The following JARID2 variants were observed in gnomAD, a reference collection of about 807,000 sequenced individuals.
JARID2 encodes jumonji and AT-rich interaction domain containing 2, also known as protein Jumonji.
A neutral mutation model predicts 125.6 loss-of-function variants in JARID2; 21 were observed. The ratio of observed to expected loss-of-function variants is 0.17; its 90% CI spans 0.12 to 0.24. The LOEUF (loss-of-function observed/expected upper bound fraction) is 0.24. JARID2 is among the 10% of genes least tolerant of loss of function. JARID2 has a pLI of 1.00. For synonymous variants in JARID2, 736 were observed against 661.6 expected (o/e 1.11, Z -1.73); for missense variants, 1,303 against 1,639.6 (o/e 0.79, Z 3.55).
intron 16 of JARID2, among the ~76,000 whole-genome samples, chr6:15,515,830 C>T (rs1267190153): frequency 6.6e-6 from 1 of 151,400 alleles, no homozygotes; most frequent in Admixed American, 6.6e-5. Context: ...CTGAGGCGGG[C>T]CAATCACAGC....
intron 3 of JARID2, among the ~76,000 whole-genome samples, chr6:15,429,385 C>A (rs184302340): frequency 3.9e-5 from 6 of 152,118 alleles, no homozygotes; most frequent in Admixed American, 2.6e-4. Flanking sequence ...CTCGCCTCAG[C>A]CTCCTGAGTA....
intron 1 of JARID2, 119 bp downstream of exon 1, chr6:15,246,703 T>G: frequency 2.2e-6 from 2 of 901,592 alleles, no homozygotes; most frequent in Non-Finnish European, 3.5e-6. Flanking sequence ...ATAAGGCTGT[T>G]TCTTTTTTTT....
intron 5 of JARID2, among the ~76,000 whole-genome samples, chr6:15,469,805 A>G (rs891367244): frequency 2.0e-5 from 3 of 152,120 alleles, no homozygotes; most frequent in Admixed American, 6.5e-5. Flanking sequence ...AATAGGTATA[A>G]AAAGGAGTGA....
chr6:15,516,343 A>G (rs1468628688), intron 16 of JARID2, among the ~76,000 whole-genome samples: 1 of 152,234 alleles, frequency 6.6e-6, no homozygotes, highest in Non-Finnish European at 1.5e-5. Flanking sequence ...TAGGACTTGG[A>G]GTCAGCGTGA....
chr6:15,291,315 GT>G (rs1761204708), intron 1 of JARID2, among the ~76,000 whole-genome samples: 1 of 152,176 alleles, frequency 6.6e-6, no homozygotes, highest in Admixed American at 6.5e-5. Context: ...TCTCCTCTTA[GT>G]TTAAAAATGC....
chr6:15,473,203 A>G (rs1353069951), intron 5 of JARID2, among the ~76,000 whole-genome samples: 3 of 152,234 alleles, frequency 2.0e-5, no homozygotes, highest in Non-Finnish European at 4.4e-5. Flanking sequence ...TTAACCATTT[A>G]TGGAGTTACC....
At chr6:15,312,619 C>T (rs552084880) in intron 1 of JARID2, among the ~76,000 whole-genome samples, 4 of 152,262 alleles carry the variant, frequency 2.6e-5, no homozygotes, top group South Asian at 2.1e-4. Context: ...TGTCTACATC[C>T]CTTCACTTTG....
At chr6:15,512,055 T>C (rs1771305160) in intron 13 of JARID2, among the ~76,000 whole-genome samples, 153 bp from the exon 14 acceptor site, 1 of 152,238 alleles carries the variant, frequency 6.6e-6, no homozygotes, top group East Asian at 1.9e-4. Flanking sequence ...TAGAAGCTCC[T>C]TCTTGTGTTA....
At chr6:15,467,867 C>A (rs62395420) in intron 4 of JARID2, among the ~76,000 whole-genome samples, 9,904 of 152,060 alleles carry the variant, frequency 0.065, 420 homozygotes, top group East Asian at 0.094. Context: ...GGAATGAGAA[C>A]CTTTGAGGAT....
chr6:15,496,496 G>C lies in JARID2; in HGVS notation c.1271G>C (p.Gly424Ala). 1.2e-6 allele frequency: 2 copies of C among 1,609,162 alleles called. No homozygotes were observed. Among genetic ancestry groups the C allele is most frequent in the East Asian group, 2.2e-5 (1 of 44,838 alleles). Residue 424 changes from glycine to alanine, a missense_variant, in exon 7 of 18, where the codon GGG becomes GCG. By Grantham distance (60) the Gly-to-Ala change is moderately conservative. Around this residue, in one of 11 missense-constraint regions of JARID2, gnomAD observed 651 missense variants for 581.6 expected, o/e 1.12. Transcript: ENST00000341776. ...NPKSCTKEVG[G>A]RQLREGLQLR... The stretch of plus-strand genomic sequence containing the variant: ...AAGTCATGCACTAAGGAGGTGGGGG[G>C]GCGGCAGCTGCGGGAGGGCCTGCAG...
rs1347907804 is a variant in JARID2, at chr6:15,521,090, AAGG to A, written c.*841_*843del. ...AAGATTTAAAAAAAAAAAAAAAAAA[AAGG>A]AAAAAAAAGTGATGGAAGCCGTAAG... On this transcript the variant is annotated 3_prime_UTR_variant, in exon 18 of 18. Coordinates refer to ENST00000341776, the MANE Select transcript of JARID2 (RefSeq NM_004973.4). The A allele has an allele frequency of 4.3e-5, 7 of 161,134 alleles. No individual in the cohort carries two copies. The highest frequency in any genetic ancestry group is 1.2e-4 in the African/African-American group (5 of 41,174). The allele number at this position is 161,134 out of a possible 1,614,324, so 10.0% of individuals were successfully genotyped here. A position where few individuals can be genotyped will look rare whatever the true frequency, so the allele number is the denominator to read the frequency against.
chr6:15,363,179 A>G (rs1255666513), intron 1 of JARID2, among the ~76,000 whole-genome samples: 1 of 152,166 alleles, frequency 6.6e-6, no homozygotes, highest in Non-Finnish European at 1.5e-5. Context: ...TAAATTTGGC[A>G]ATTAGAGTGT....
chr6:15,446,493 G>A (rs372231832), intron 3 of JARID2, among the ~76,000 whole-genome samples: 2 of 152,196 alleles, frequency 1.3e-5, no homozygotes, highest in East Asian at 1.9e-4. Context: ...ATGAGAAGCC[G>A]CCAGGCATGG....
At chr6:15,330,003 A>G (rs914097882) in intron 1 of JARID2, among the ~76,000 whole-genome samples, 1 of 152,182 alleles carries the variant, frequency 6.6e-6, no homozygotes, top group African/African-American at 2.4e-5. Flanking sequence ...TTTTACTGTG[A>G]TTAAACTTGA....
chr6:15,349,514 A>G (rs1763355005), intron 1 of JARID2, among the ~76,000 whole-genome samples: 1 of 152,178 alleles, frequency 6.6e-6, no homozygotes, highest in African/African-American at 2.4e-5. Flanking sequence ...ATTAAAGTGC[A>G]CTGTTTTAGA....
At chr6:15,381,925 T>A (rs1010399161) in intron 2 of JARID2, among the ~76,000 whole-genome samples, 1 of 152,208 alleles carries the variant, frequency 6.6e-6, no homozygotes. Flanking sequence ...TGTTTTAACA[T>A]GAGAAAAATA....
chr6:15,443,553 G>A (rs1767536192), intron 3 of JARID2, among the ~76,000 whole-genome samples: 1 of 152,100 alleles, frequency 6.6e-6, no homozygotes, highest in South Asian at 2.1e-4. Flanking sequence ...CTGTTTTACT[G>A]GCAGTTAGAA....
intron 12 of JARID2, chr6:15,509,107 G>A (rs1012219172): frequency 5.1e-5 from 66 of 1,288,972 alleles, no homozygotes; most frequent in Non-Finnish European, 3.0e-5. Context: ...CTGGGTCCCC[G>A]CCTGTAATCT....
chr6:15,421,044 C>G (rs1037028187), intron 3 of JARID2, among the ~76,000 whole-genome samples: 1 of 152,198 alleles, frequency 6.6e-6, no homozygotes, highest in African/African-American at 2.4e-5. Context: ...CTGTGTGGCT[C>G]TGGCCTCTGC....
Sources: gnomAD v4.1 joint callset for allele counts (sites outside exome capture counted in the v4.1 genomes callset) on GRCh38, gnomAD v4.1.1 for gene constraint, gnomAD v4.1.1 regional missense constraint, MANE v1.5 for transcripts, NCBI Gene and HGNC (gene_info 2026-07-23, HGNC 2026-07-21) for gene names.